TFAP2B: variants seen among roughly 807,000 people sequenced by gnomAD.
TFAP2B encodes transcription factor AP-2-beta.
A neutral mutation model predicts 44.3 loss-of-function variants in TFAP2B; 9 were observed. That is an observed-to-expected ratio of 0.20 (90% CI 0.12 to 0.35). The LOEUF is 0.35. TFAP2B is among the 10% of genes least tolerant of loss of function. The pLI, the probability that TFAP2B is intolerant of heterozygous loss-of-function variation, is 1.00. For missense variants in TFAP2B, 509 were observed against 600.0 expected, an observed-to-expected ratio of 0.85 and a Z score of 1.59; for synonymous variants, 270 against 263.8, an observed-to-expected ratio of 1.02 and a Z score of -0.23.
rs1762859005 is a variant in TFAP2B, at chr6:50,846,800, A to G, written c.*3408A>G. Reference sequence around the variant, plus strand: ...CACCACCTTCACTCCTACACCCCCAATTACCTTGCATTTTCTTTCCTTCCT... The same window carrying G: ...CACCACCTTCACTCCTACACCCCCAGTTACCTTGCATTTTCTTTCCTTCCT... On this transcript the variant is annotated 3_prime_UTR_variant, in exon 7 of 7. Coordinates refer to ENST00000393655, the MANE Select transcript of TFAP2B (RefSeq NM_003221.4). 1 of 152,292 alleles carries G rather than the reference A, an allele frequency of 6.6e-6. No homozygotes were observed. Among genetic ancestry groups the G allele is most frequent in the Non-Finnish European group, 1.5e-5 (1 of 67,974 alleles). The allele number at this position is 152,292 out of a possible 1,614,324, so 9.4% of individuals were successfully genotyped here.
intron 2 of TFAP2B, among the ~76,000 whole-genome samples, chr6:50,826,189 A>C (rs1199908053): frequency 6.6e-6 from 1 of 151,876 alleles, no homozygotes; most frequent in Non-Finnish European, 1.5e-5. Flanking sequence ...AGTCTTTAAA[A>C]GGGCCTGCAC....
At chr6:50,832,972 T>C (rs1430322660) in intron 3 of TFAP2B, among the ~76,000 whole-genome samples, 3 of 152,190 alleles carry the variant, frequency 2.0e-5, no homozygotes, top group Non-Finnish European at 4.4e-5. Context: ...GTTTTGTGGG[T>C]GTTACATCCA....
At chr6:50,834,859 A>G (rs1762587901) in intron 3 of TFAP2B, among the ~76,000 whole-genome samples, 1 of 152,218 alleles carries the variant, frequency 6.6e-6, no homozygotes, top group Admixed American at 6.5e-5. Context: ...TGGAGGCCTC[A>G]TATCCCAGTG....
rs999120224 is a variant in TFAP2B at position 50,844,935 on chromosome 6, T to A, written c.*1543T>A. On this transcript the variant is annotated 3_prime_UTR_variant, in exon 7 of 7. Transcript: ENST00000393655. ...CAAAATAATGCAAAGTGAAGGGAGA[T>A]GTATTTCAGCTTTGATTTTTACCGT... The A allele has an allele frequency of 6.6e-6, 1 of 152,198 alleles. No homozygotes were observed. Among genetic ancestry groups the A allele is most frequent in the Non-Finnish European group, 1.5e-5 (1 of 68,038 alleles). 9.4% of individuals were successfully genotyped at this position (152,198 alleles called of 1,614,324 possible).
chr6:50,842,577 G>A (rs529038134), intron 6 of TFAP2B, among the ~76,000 whole-genome samples: 1 of 152,294 alleles, frequency 6.6e-6, no homozygotes, highest in Admixed American at 6.5e-5. Context: ...GCATTCTCTA[G>A]AATAAACAGT....
At chr6:50,822,970 C>A (rs1770395004) in intron 1 of TFAP2B, among the ~76,000 whole-genome samples, 1 of 152,110 alleles carries the variant, frequency 6.6e-6, no homozygotes, top group Non-Finnish European at 1.5e-5. Context: ...TGATTTGTAC[C>A]TCTGGAAGAG....
At chr6:50,830,030 G>T (rs1770632472) in intron 3 of TFAP2B, among the ~76,000 whole-genome samples, 1 of 151,976 alleles carries the variant, frequency 6.6e-6, no homozygotes. Context: ...GGATACCCAG[G>T]CTCGGTGCTT....
chr6:50,822,620 T>G (rs1770383996), intron 1 of TFAP2B, among the ~76,000 whole-genome samples: 1 of 152,156 alleles, frequency 6.6e-6, no homozygotes, highest in South Asian at 2.1e-4. Context: ...CCAACTTTAG[T>G]TCCTTCATTT....
intron 5 of TFAP2B, 123 bp from the exon 6 acceptor site, chr6:50,840,033 T>C (rs1386089684): frequency 7.7e-7 from 1 of 1,302,158 alleles, no homozygotes; most frequent in Non-Finnish European, 1.1e-6. Flanking sequence ...CTCTCACCTT[T>C]GCTTTTGGCT....
Position 50,843,308 on chromosome 6 carries a change from GAAC to G in TFAP2B, c.1304_1306del (p.Asn435del), listed in dbSNP as rs779176300. 12 of 1,614,078 alleles carry G rather than the reference GAAC, an allele frequency of 7.4e-6. No individual in the cohort carries two copies. The South Asian group carries it at 1.1e-4, about 15-fold the overall frequency. On this transcript the variant is annotated inframe_deletion, in exon 7 of 7. Coordinates refer to ENST00000393655, the MANE Select transcript of TFAP2B (RefSeq NM_003221.4). ...TCAAAGGCATGGACAAGATGTTCTT[GAAC>G]AACACCACCACTAACAGGCACACGT...
intron 3 of TFAP2B, among the ~76,000 whole-genome samples, chr6:50,832,194 A>G (rs1762515198): frequency 1.3e-5 from 2 of 152,190 alleles, no homozygotes; most frequent in African/African-American, 4.8e-5. Flanking sequence ...TTTATCAACT[A>G]GAGACCCTGA....
Position 50,844,769 on chromosome 6 carries a change from A to G in TFAP2B, c.*1377A>G, listed in dbSNP as rs896921393. 1 of 152,252 alleles carries G rather than the reference A, an allele frequency of 6.6e-6. No individual in the cohort carries two copies. Among genetic ancestry groups the G allele is most frequent in the African/African-American group, 2.4e-5 (1 of 41,466 alleles). The allele number at this position is 152,252 out of a possible 1,614,324, so 9.4% of individuals were successfully genotyped here. On this transcript the variant is annotated 3_prime_UTR_variant, in exon 7 of 7. Coordinates refer to ENST00000393655, the MANE Select transcript of TFAP2B (RefSeq NM_003221.4). Reference sequence around the variant, plus strand: ...TTTGGTGATTGCTGTTTAAGCAAGGAAAGAAGCAGCTTTACGAGTGGACGT... The same window carrying G: ...TTTGGTGATTGCTGTTTAAGCAAGGGAAGAAGCAGCTTTACGAGTGGACGT...
intron 2 of TFAP2B, among the ~76,000 whole-genome samples, chr6:50,827,765 A>G (rs1052419452): frequency 6.6e-6 from 1 of 152,250 alleles, no homozygotes; most frequent in African/African-American, 2.4e-5. Flanking sequence ...AGAACTGTTC[A>G]TGTGTATTCT....
At chr6:50,829,798 T>C (rs1770625607) in intron 3 of TFAP2B, among the ~76,000 whole-genome samples, 1 of 152,190 alleles carries the variant, frequency 6.6e-6, no homozygotes, top group Non-Finnish European at 1.5e-5. Flanking sequence ...GTATTCTAAA[T>C]TGTCTTCTTT....
intron 3 of TFAP2B, among the ~76,000 whole-genome samples, chr6:50,835,246 G>C (rs1762597198): frequency 6.6e-6 from 1 of 152,226 alleles, no homozygotes; most frequent in Admixed American, 6.5e-5. Context: ...ATATGAATTA[G>C]AGTGATTGGT....
chr6:50,823,842 C>A lies in TFAP2B; in HGVS notation c.517C>A (p.His173Asn). Residue 173 changes from histidine (H) to asparagine (N), a missense_variant, in exon 2 of 7, where the codon CAT becomes AAT. By Grantham distance (68) the His-to-Asn change is moderately conservative. Around this residue, in one of 3 missense-constraint regions of TFAP2B, gnomAD observed 296 missense variants for 308.2 expected, o/e 0.96. Coordinates refer to ENST00000393655, the MANE Select transcript of TFAP2B (RefSeq NM_003221.4). ...GDSLSLHGLGHPGMEDVQSVE... is the reference protein window; with the variant it reads ...GDSLSLHGLGNPGMEDVQSVE... ...CAGCCTCTCGCTGCACGGCCTCGGC[C>A]ATCCCGGAATGGAAGACGTCCAGGT... 1 of 1,559,760 alleles carries A rather than the reference C, an allele frequency of 6.4e-7. No individual in the cohort carries two copies.
intron 6 of TFAP2B, 135 bp downstream of exon 6, chr6:50,840,432 G>A (rs1762703566): frequency 9.0e-7 from 1 of 1,109,524 alleles, no homozygotes; most frequent in African/African-American, 1.5e-5. Flanking sequence ...CCTCTGGCAA[G>A]CAAGGTAGGC....
At chr6:50,835,991 C>T in intron 3 of TFAP2B, 70 bp from the exon 4 acceptor site, 2 of 1,241,432 alleles carry the variant, frequency 1.6e-6, no homozygotes, top group Non-Finnish European at 1.2e-6. Flanking sequence ...CACACAGAGA[C>T]ACATTCTATC....
intron 1 of TFAP2B, chr6:50,822,013 G>A: frequency 2.6e-6 from 1 of 382,790 alleles, no homozygotes; most frequent in Non-Finnish European, 4.3e-6. Context: ...TTTTTTTGAT[G>A]GCTTGTCCTG....
Sources: allele counts gnomAD v4.1 joint callset (sites outside exome capture counted in the v4.1 genomes callset), GRCh38; gene constraint gnomAD v4.1.1; regional missense constraint gnomAD v4.1.1; transcripts MANE v1.5; gene names NCBI Gene and HGNC (gene_info 2026-07-23, HGNC 2026-07-21).